Variants in KRT84 observed in about 807,000 individuals in gnomAD.
The protein encoded by KRT84 is keratin, type II cuticular Hb4.
In KRT84, 38 loss-of-function variants were observed where a neutral mutation model predicts 49.0. That is an observed-to-expected ratio of 0.78 (90% CI 0.60 to 1.02). The LOEUF is 1.02. Ranked by LOEUF, KRT84 falls within the 50% of genes least tolerant of loss-of-function variation. The pLI, the probability that KRT84 is intolerant of heterozygous loss-of-function variation, is 0.00. For synonymous variants in KRT84, 334 were observed against 312.8 expected (o/e 1.07, Z -0.72); for missense variants, 860 against 788.6 (o/e 1.09, Z -1.08).
In KRT84 at chr12:52,380,556, C is replaced by A; in HGVS notation, c.1231G>T (p.Glu411Ter). ...QRAKLEAAVA[E>*]AEQQGEATLS... is the part of the protein sequence containing the mutation. ...GTCGCCTCGCCCTGCTGCTCGGCCT[C>A]GGCCACTGCAGCCTCCAACTTGGCA... Residue 411 changes from glutamate to a stop codon, truncating the protein, a stop_gained, in exon 7 of 9, where the codon GAG (glutamate) becomes TAG (stop). Transcript: ENST00000257951. LOFTEE classifies it high-confidence loss of function. 6.2e-7 allele frequency: 1 copy of A among 1,613,228 alleles called. No homozygotes were observed. Among genetic ancestry groups the A allele is most frequent in the Non-Finnish European group, 8.5e-7 (1 of 1,179,610 alleles).
At chr12:52,382,978 T>C (rs1163407548) in intron 3 of KRT84, 27 bp downstream of exon 3, 2 of 1,607,796 alleles carry the variant, frequency 1.2e-6, no homozygotes, top group African/African-American at 2.7e-5. Context: ...AGAGGAGAAG[T>C]TGGCCTGGTC....
At chr12:52,380,630 T>A (rs573123352) in intron 6 of KRT84, 47 bp from the exon 7 acceptor site, 2 of 1,525,806 alleles carry the variant, frequency 1.3e-6, no homozygotes, top group East Asian at 4.8e-5. Context: ...TGCCAGGGCA[T>A]CCCCAGGTTG....
rs560374547 is a variant in KRT84 at position 52,385,458 on chromosome 12, C to A, written c.128G>T (p.Gly43Val). ...ACCAAAGCTGCCAAGGCCCCGGAAT[C>A]CAGGCCCACTCCAACAGGAGACAGA... ...ANSVSCWSGP[G>V]FRGLGSFGSR... The change falls in exon 1 of 9, where the codon GGA becomes GTA. Residue 43 changes from glycine to valine, a missense_variant. By Grantham distance (109) the Gly-to-Val change is moderately radical (BLOSUM62 -3). Coordinates refer to ENST00000257951, the MANE Select transcript of KRT84 (RefSeq NM_033045.4). 9.3e-5 allele frequency: 150 copies of A among 1,614,226 alleles called. 2 individuals are homozygous for A. In the South Asian group the frequency reaches 1.6e-3, roughly 17 times the overall value.
At chr12:52,382,700 C>T (rs1340673188) in intron 3 of KRT84, among the ~76,000 whole-genome samples, 168 bp from the exon 4 acceptor site, 2 of 152,212 alleles carry the variant, frequency 1.3e-5, no homozygotes, top group Non-Finnish European at 2.9e-5. Context: ...ACAATGCCAA[C>T]ATTCCCCCAG....
In KRT84 at chr12:52,383,046, A is replaced by G. The variant is rs759006811; in HGVS notation, c.775T>C (p.Cys259Arg). ...AACTCATTCTCAGCATTGGCCCGAC[A>G]TACCACTTCCTCTTCATACCTGATG... ...FKKKYEEEVV[C>R]RANAENEFVA... Residue 259 changes from cysteine to arginine, a missense_variant, in exon 3 of 9, where the codon TGT (cysteine) becomes CGT (arginine). Cys to Arg is a radical substitution (Grantham distance 180). Transcript: ENST00000257951. 42 of 1,613,912 alleles carry G rather than the reference A, an allele frequency of 2.6e-5. No homozygotes were observed. The highest frequency in any genetic ancestry group is 3.2e-5 in the Non-Finnish European group (38 of 1,179,988).
chr12:52,380,374 GC>G lies in KRT84; in HGVS notation c.1412del (p.Gly471AlafsTer13), dbSNP rs1258388115. On this transcript the variant is annotated frameshift_variant, in exon 7 of 9. Transcript: ENST00000257951. LOFTEE classifies it low-confidence loss of function (END_TRUNC). ...CTGAGAGTACTCACCGGCTCTCCTC[GC>G]CCTCCAGCAGGCGCCTGTAGGTGGC... Reference protein sequence around the residue: ...EIATYRRLLEGEESRLCEGVG... With the variant: ...EIATYRRLLEXEESRLCEGVG... 7 of 1,613,696 alleles carry G rather than the reference GC, an allele frequency of 4.3e-6. No homozygotes were observed. Among genetic ancestry groups the G allele is most frequent in the Non-Finnish European group, 5.9e-6 (7 of 1,179,954 alleles).
chr12:52,383,858 C>G (rs758029364), intron 1 of KRT84, 60 bp from the exon 2 acceptor site: 20 of 1,421,930 alleles, frequency 1.4e-5, no homozygotes, highest in Admixed American at 3.6e-5. Context: ...ATGCCTTGAC[C>G]AAGCTCTTGA....
chr12:52,385,891 T>G (rs1939567286), upstream of KRT84, among the ~76,000 whole-genome samples: 1 of 152,024 alleles, frequency 6.6e-6, no homozygotes, highest in African/African-American at 2.4e-5. Context: ...CATTATAGTC[T>G]TTTTTTTCCC....
At position 52,385,416 on chromosome 12, in the gene KRT84, G is replaced by A; in HGVS notation, c.170C>T (p.Thr57Ile). ...LGSFGSRSVI[T>I]FGSYSPRIAA... ...TATCCGGGGTGAGTACGATCCAAAG[G>A]TGATGACACTCCGACTACCAAAGCT... Residue 57 changes from threonine to isoleucine, a missense_variant, in exon 1 of 9, where the codon ACC becomes ATC. Coordinates refer to ENST00000257951, the MANE Select transcript of KRT84 (RefSeq NM_033045.4). The A allele has an allele frequency of 6.2e-7, 1 of 1,614,166 alleles. No individual in the cohort carries two copies. Among genetic ancestry groups the A allele is most frequent in the African/African-American group, 1.3e-5 (1 of 75,052 alleles).
In KRT84 at chr12:52,380,615, G is replaced by A. The variant is rs113935757; in HGVS notation, c.1204-32C>T. 212 of 1,559,484 alleles carry A rather than the reference G, an allele frequency of 1.4e-4. 1 individual carries two copies. In the African/African-American group the frequency reaches 2.3e-3, roughly 17 times the overall value. ...GGAAGGCAGTTTGCAGGTAGGCTTC[G>A]GCAGTGCCAGGGCATCCCCAGGTTG... On this transcript the variant is annotated intron_variant, in intron 6 of 8. Coordinates refer to ENST00000257951, the MANE Select transcript of KRT84 (RefSeq NM_033045.4).
At chr12:52,385,844 C>G (rs1939566613), upstream of KRT84, among the ~76,000 whole-genome samples, 1 of 152,212 alleles carries the variant, frequency 6.6e-6, no homozygotes, top group Admixed American at 6.5e-5. Flanking sequence ...GCTGTAACAG[C>G]AAACCAATAA....
Position 52,377,971 on chromosome 12 carries a change from G to T in KRT84, c.*63C>A. ...CAAGCCCAGAGCCCACGAACCCTGG[G>T]GGCAGAAGCAGGAGCCGTGGAGCTG... On this transcript the variant is annotated 3_prime_UTR_variant, in exon 9 of 9. Coordinates refer to ENST00000257951, the MANE Select transcript of KRT84 (RefSeq NM_033045.4). The T allele has an allele frequency of 7.8e-7, 1 of 1,289,412 alleles. No individual in the cohort carries two copies. Among genetic ancestry groups the T allele is most frequent in the Non-Finnish European group, 1.0e-6 (1 of 982,296 alleles). 79.9% of individuals were successfully genotyped at this position (1,289,412 alleles called of 1,614,324 possible). A position where few individuals can be genotyped will look rare whatever the true frequency, so the allele number is the denominator to read the frequency against.
chr12:52,386,954 G>A (rs11170106), upstream of KRT84, among the ~76,000 whole-genome samples: 10,590 of 152,152 alleles, frequency 0.07, 1,058 homozygotes, highest in East Asian at 0.51. Context: ...CAGCTCATTT[G>A]TGCGGTATTT....
At chr12:52,382,562 A>G (rs762954862) in intron 3 of KRT84, 30 bp from the exon 4 acceptor site, 5 of 1,555,136 alleles carry the variant, frequency 3.2e-6, no homozygotes, top group Non-Finnish European at 4.4e-6. Context: ...ATAAATACTC[A>G]TCGCCTGGGC....
Position 52,380,583 on chromosome 12 carries a change from G to T in KRT84, c.1204C>A (p.Arg402Ser). The T allele has an allele frequency of 6.2e-7, 1 of 1,607,724 alleles. No individual in the cohort carries two copies. Among genetic ancestry groups the T allele is most frequent in the Non-Finnish European group, 8.5e-7 (1 of 1,176,524 alleles). Residue 402 changes from arginine to serine, a missense_variant and splice_region_variant, in exon 7 of 9, where the codon CGT (arginine) becomes AGT (serine). Arg to Ser is a moderately radical substitution (Grantham distance 110, BLOSUM62 -1). Transcript: ENST00000257951. ...KAEIEHAKAQ[R>S]AKLEAAVAEA... is the part of the protein sequence containing the mutation. Reference sequence around the variant, plus strand: ...GCCACTGCAGCCTCCAACTTGGCACGCTGCAGGGAAGGCAGTTTGCAGGTA... The same window carrying T: ...GCCACTGCAGCCTCCAACTTGGCACTCTGCAGGGAAGGCAGTTTGCAGGTA...
chr12:52,381,392 CG>C lies in KRT84; in HGVS notation c.1045del (p.Arg349GlyfsTer17), dbSNP rs781366492. The C allele has an allele frequency of 6.8e-6, 11 of 1,614,070 alleles. No individual in the cohort carries two copies. The highest frequency in any genetic ancestry group is 5.0e-5 in the Admixed American group (3 of 59,994). On this transcript the variant is annotated frameshift_variant, in exon 5 of 9. Transcript: ENST00000257951. LOFTEE classifies it high-confidence loss of function. ...AQYEEVARRS[R>X]ADAEAWYQTK... ...CTGGTACCAGGCCTCAGCATCAGCC[CG>C]GCTGCGCCTGGCCACCTCCTCATAC... is the stretch of plus-strand genomic sequence containing the variant.
upstream of KRT84, among the ~76,000 whole-genome samples, chr12:52,385,814 C>T (rs1939566286): frequency 6.6e-6 from 1 of 152,236 alleles, no homozygotes; most frequent in South Asian, 2.1e-4. Context: ...TCAGACACAC[C>T]TAGTCTCATT....
In KRT84 at chr12:52,378,303, C is replaced by T; in HGVS notation, c.1534G>A (p.Val512Ile). ...VAGSTLSRGGVTFSGSSSVCA... is the reference protein window; with the variant it reads ...VAGSTLSRGGITFSGSSSVCA... ...ACGCTGCTGCTACCTGAGAAGGTGA[C>T]CCCGCCGCGGGAGAGGGTGGAGCCG... The change falls in exon 9 of 9, where the codon GTC (valine) becomes ATC (isoleucine). Residue 512 changes from valine (V) to isoleucine (I), a missense_variant. Val to Ile is a conservative substitution (Grantham distance 29, BLOSUM62 3). Coordinates refer to ENST00000257951, the MANE Select transcript of KRT84 (RefSeq NM_033045.4). 6.5e-7 allele frequency: 1 copy of T among 1,540,250 alleles called. No individual in the cohort carries two copies. The highest frequency in any genetic ancestry group is 8.7e-7 in the Non-Finnish European group (1 of 1,145,334).
intron 8 of KRT84, among the ~76,000 whole-genome samples, chr12:52,379,675 T>C (rs1243769184): frequency 6.6e-6 from 1 of 152,182 alleles, no homozygotes; most frequent in Admixed American, 6.5e-5. Context: ...AATGTTTTGC[T>C]CTGGGGAAGG....
Sources: allele counts gnomAD v4.1 joint callset (sites outside exome capture counted in the v4.1 genomes callset), GRCh38; gene constraint gnomAD v4.1.1; transcripts MANE v1.5; gene names NCBI Gene and HGNC (gene_info 2026-07-23, HGNC 2026-07-21).